The following KRT86 variants were observed in gnomAD, a reference collection of about 807,000 sequenced individuals.
The protein encoded by KRT86 is keratin, type II cuticular Hb6.
A neutral mutation model predicts 41.2 loss-of-function variants in KRT86; 30 were observed. The ratio of observed to expected loss-of-function variants is 0.73; its 90% CI spans 0.54 to 0.99. The LOEUF is 0.99. KRT86 is among the 50% of genes least tolerant of loss of function. KRT86 has a pLI of 0.00. For missense variants in KRT86, 561 were observed against 571.4 expected, an observed-to-expected ratio of 0.98 and a Z score of 0.19; for synonymous variants, 238 against 238.1, an observed-to-expected ratio of 1.00 and a Z score of 0.00.
chr12:52,296,194 G>T lies in KRT86; in HGVS notation c.-4-5719G>T, dbSNP rs903763731. 4.6e-5 allele frequency among the ~76,000 whole-genome samples: 7 copies of T among 152,182 alleles called. 1 individual carries two copies. Among genetic ancestry groups the T allele is most frequent in the Non-Finnish European group, 7.3e-5 (5 of 68,042 alleles). ...TGACTTAGAAGAAGAGAAGGAGAGT[G>T]CTGCATGGGTGGAGAAGAAAATGAG... On this transcript the variant is annotated intron_variant, in intron 2 of 10. Coordinates refer to ENST00000423955, the MANE Select transcript of KRT86 (RefSeq NM_001320198.2).
chr12:52,297,846 G>A (rs1938284983), intron 2 of KRT86, among the ~76,000 whole-genome samples: 1 of 152,196 alleles, frequency 6.6e-6, no homozygotes, highest in African/African-American at 2.4e-5. Context: ...TGCAATGAAA[G>A]CTTGCCTTCT....
intron 2 of KRT86, among the ~76,000 whole-genome samples, chr12:52,283,392 C>CAAAAAAAAAAAA (rs1169224117): frequency 5.1e-5 from 2 of 39,546 alleles, no homozygotes; most frequent in African/African-American, 1.1e-4. Context: ...AACTGTCTCA[C>CAAAAAAAAAAAA]AAAAAAAAAA....
intron 2 of KRT86, among the ~76,000 whole-genome samples, chr12:52,292,218 C>T (rs1938147075): frequency 6.6e-6 from 1 of 152,172 alleles, no homozygotes; most frequent in African/African-American, 2.4e-5. Context: ...AACATTATAC[C>T]ATATTTGCTT....
At chr12:52,298,653 T>A (rs1451723535) in intron 2 of KRT86, among the ~76,000 whole-genome samples, 1 of 152,202 alleles carries the variant, frequency 6.6e-6, no homozygotes, top group African/African-American at 2.4e-5. Flanking sequence ...TTAGAAATCA[T>A]GAAATGAGGT....
chr12:52,306,429 T>A, intron 9 of KRT86, 149 bp downstream of exon 9: 1 of 1,257,026 alleles, frequency 8.0e-7, no homozygotes. Flanking sequence ...TTAAGTATGA[T>A]CTAGCCCCGT....
intron 2 of KRT86, chr12:52,287,472 C>A: frequency 6.3e-7 from 1 of 1,592,358 alleles, no homozygotes. Context: ...AGACCACGAC[C>A]AGGGACTCTA....
chr12:52,285,627 C>T (rs961932434), intron 2 of KRT86, among the ~76,000 whole-genome samples: 53 of 152,150 alleles, frequency 3.5e-4, no homozygotes, highest in Non-Finnish European at 8.8e-5. Flanking sequence ...GGCTTAAACC[C>T]CAGATGAACC....
intron 2 of KRT86, chr12:52,288,013 C>G: frequency 6.2e-7 from 1 of 1,614,240 alleles, no homozygotes. Flanking sequence ...TCGGCCTCGG[C>G]CCGGCTGCGG....
At position 52,305,146 on chromosome 12, in the gene KRT86, G is replaced by A. The variant is rs1283197030; in HGVS notation, c.736-94G>A. 4.3e-6 allele frequency: 7 copies of A among 1,609,348 alleles called. No individual in the cohort carries two copies. The East Asian group carries it at 1.3e-4, about 31-fold the overall frequency. ...TCCCTGAGGCTGTGTGAGGGGGCAG[G>A]GTTGGGGACCAGAGAAAGCCTGAGG... is the stretch of plus-strand genomic sequence containing the variant. On this transcript the variant is annotated intron_variant, in intron 6 of 10. Transcript: ENST00000423955.
chr12:52,287,201 G>A (rs752916490), intron 2 of KRT86: 2 of 1,613,964 alleles, frequency 1.2e-6, no homozygotes, highest in East Asian at 2.2e-5. Flanking sequence ...GATCAGGCAG[G>A]CCATGTCCTG....
At chr12:52,291,284 C>T (rs1938109780) in intron 2 of KRT86, 5 of 1,535,790 alleles carry the variant, frequency 3.3e-6, no homozygotes, top group South Asian at 1.2e-5. Context: ...GCCGAAGCTG[C>T]GTCCGCAGGA....
chr12:52,287,688 C>T lies in KRT86; in HGVS notation c.-5+11742C>T, dbSNP rs573645133. 1.1e-4 allele frequency: 178 copies of T among 1,613,934 alleles called. 2 individuals are homozygous for T. The South Asian group carries it at 1.7e-3, about 15-fold the overall frequency. On this transcript the variant is annotated intron_variant, in intron 2 of 10. Coordinates refer to ENST00000423955, the MANE Select transcript of KRT86 (RefSeq NM_001320198.2). Reference sequence around the variant, plus strand: ...TCCTTGGTGCGGCGCAGGGTCTCCCCGTGCCTGATCACCGTGGCCTTCATC... The same window carrying T: ...TCCTTGGTGCGGCGCAGGGTCTCCCTGTGCCTGATCACCGTGGCCTTCATC...
chr12:52,306,346 C>A, intron 9 of KRT86, 66 bp downstream of exon 9: 2 of 1,609,106 alleles, frequency 1.2e-6, no homozygotes, highest in Admixed American at 1.7e-5. Flanking sequence ...TGTCCTCACA[C>A]TCCTGGCAGC....
At chr12:52,296,537 C>T (rs1938254847) in intron 2 of KRT86, among the ~76,000 whole-genome samples, 1 of 152,166 alleles carries the variant, frequency 6.6e-6, no homozygotes, top group Admixed American at 6.5e-5. Flanking sequence ...GGCTCCAGCC[C>T]CACCCAGGCA....
intron 2 of KRT86, chr12:52,286,325 C>T (rs1937929763): frequency 1.3e-6 from 2 of 1,554,624 alleles, no homozygotes; most frequent in Admixed American, 1.9e-5. Flanking sequence ...GCCCACGCCG[C>T]AGGAACCCCC....
chr12:52,308,080 C>T, intron 9 of KRT86, 153 bp from the exon 10 acceptor site: 1 of 931,198 alleles, frequency 1.1e-6, no homozygotes, highest in South Asian at 1.6e-5. Flanking sequence ...TCACGGTGAC[C>T]CGAGTCTACA....
At chr12:52,284,347 G>A (rs917085674) in intron 2 of KRT86, among the ~76,000 whole-genome samples, 4 of 152,080 alleles carry the variant, frequency 2.6e-5, no homozygotes, top group South Asian at 2.1e-4. Flanking sequence ...ACACCACGTC[G>A]CCCAGCTAAT....
intron 2 of KRT86, among the ~76,000 whole-genome samples, chr12:52,299,031 A>G (rs12321010): frequency 0.18 from 27,233 of 152,092 alleles, 2,536 homozygotes; most frequent in South Asian, 0.25. Flanking sequence ...CTATTGTGCT[A>G]CTGAACACTA....
At chr12:52,295,600 C>A (rs1938231248) in intron 2 of KRT86, among the ~76,000 whole-genome samples, 1 of 152,176 alleles carries the variant, frequency 6.6e-6, no homozygotes, top group Non-Finnish European at 1.5e-5. Flanking sequence ...AGAGCTCACC[C>A]TTGTTCTTGG....
Sources: gnomAD v4.1 joint callset for allele counts (sites outside exome capture counted in the v4.1 genomes callset) on GRCh38, gnomAD v4.1.1 for gene constraint, MANE v1.5 for transcripts, NCBI Gene and HGNC (gene_info 2026-07-23, HGNC 2026-07-21) for gene names.